DLGAP1: variants seen among roughly 807,000 people sequenced by gnomAD.
The protein encoded by DLGAP1 is disks large-associated protein 1.
DLGAP1 carries 11 observed loss-of-function variants against 90.8 expected under a neutral mutation model. The observed-to-expected ratio is 0.12, with a 90% CI of 0.08 to 0.20. The LOEUF (loss-of-function observed/expected upper bound fraction) is 0.20, where lower values mean the gene tolerates loss of function less well. Among genes scored for constraint, DLGAP1 ranks in the 10% least tolerant of loss-of-function variants. The probability of loss-of-function intolerance (pLI) is 1.00; values close to 1 mark genes in which losing one functional copy is unlikely to be tolerated. For missense variants in DLGAP1, 1,050 were observed against 1,333.8 expected (o/e 0.79, Z 3.31); for synonymous variants, 558 against 540.7 (o/e 1.03, Z -0.44).
In DLGAP1 at chr18:4,141,703, C is replaced by G. The variant is rs183498254; in HGVS notation, c.-159+9477G>C. Among the ~76,000 whole-genome samples the G allele has an allele frequency of 8.9e-3, 1,354 of 151,654 alleles. 9 individuals carry two copies. Among genetic ancestry groups the G allele is most frequent in the Non-Finnish European group, 0.014 (928 of 67,858 alleles). On this transcript the variant is annotated intron_variant, in intron 2 of 12. Coordinates refer to ENST00000315677, the MANE Select transcript of DLGAP1 (RefSeq NM_004746.4). ...ACTGTCTATTTTCAAATAGCCTGTCCTCAATCTCACTAATTCTTTCTTCTG... is the reference window on the plus strand; with the variant it reads ...ACTGTCTATTTTCAAATAGCCTGTCGTCAATCTCACTAATTCTTTCTTCTG...
At chr18:3,600,690 C>CTATATAGATATCTATAGA (rs1568276780) in intron 7 of DLGAP1, among the ~76,000 whole-genome samples, 2 of 59,786 alleles carry the variant, frequency 3.3e-5, no homozygotes, top group African/African-American at 8.1e-5. Flanking sequence ...CTATAGAGAT[C>CTATATAGATATCTATAGA]TATATAGATA....
intron 3 of DLGAP1, among the ~76,000 whole-genome samples, chr18:3,890,990 A>G (rs558266454): frequency 6.6e-6 from 1 of 152,346 alleles, no homozygotes; most frequent in African/African-American, 2.4e-5. Flanking sequence ...AATCAAATCA[A>G]TACATATGAC....
intron 2 of DLGAP1, among the ~76,000 whole-genome samples, chr18:4,081,299 G>A (rs1484094752): frequency 1.3e-5 from 2 of 149,822 alleles, no homozygotes; most frequent in African/African-American, 4.9e-5. Context: ...TGGGCAAAAG[G>A]AGTGAAACTC....
chr18:3,545,574 A>C (rs556185597), intron 9 of DLGAP1, among the ~76,000 whole-genome samples: 1 of 152,302 alleles, frequency 6.6e-6, no homozygotes, highest in African/African-American at 2.4e-5. Flanking sequence ...AGAAATAAAT[A>C]GGCCGGGAGC....
chr18:4,364,155 G>A (rs1403106041), intron 1 of DLGAP1, among the ~76,000 whole-genome samples: 1 of 148,742 alleles, frequency 6.7e-6, no homozygotes, highest in Non-Finnish European at 1.5e-5. Flanking sequence ...CTATCGCAAG[G>A]ACAAAAAACC....
chr18:4,096,914 T>C (rs1380869016), intron 2 of DLGAP1, among the ~76,000 whole-genome samples: 1 of 152,208 alleles, frequency 6.6e-6, no homozygotes, highest in African/African-American at 2.4e-5. Context: ...AAAGATTACA[T>C]GAATTAAGTT....
At position 4,454,853 on chromosome 18, in the gene DLGAP1, T is replaced by C. The variant is rs1297130061; in HGVS notation, c.-267+153A>G. ...GGCTGAAAGGGTAAGGAGCGCGGAC[T>C]CTCGAGCCAGCGGCCGGGGGAGCCC... On this transcript the variant is annotated intron_variant, in intron 1 of 12. Transcript: ENST00000315677. This position sits in a 1 kb window ranked among gnomAD's most constrained non-coding sequence, Gnocchi z 4.7. Among the ~76,000 whole-genome samples the C allele has an allele frequency of 6.6e-6, 1 of 150,548 alleles. No homozygotes were observed. Among genetic ancestry groups the C allele is most frequent in the Non-Finnish European group, 1.5e-5 (1 of 67,350 alleles).
At chr18:3,543,355 C>T (rs60571658) in intron 9 of DLGAP1, among the ~76,000 whole-genome samples, 18,377 of 151,844 alleles carry the variant, frequency 0.12, 1,242 homozygotes, top group African/African-American at 0.18. Context: ...TATTTTTAGA[C>T]GGGGTTTCAC....
intron 1 of DLGAP1, among the ~76,000 whole-genome samples, chr18:4,270,787 A>G (rs1054869741): frequency 6.6e-6 from 1 of 152,182 alleles, no homozygotes; most frequent in Non-Finnish European, 1.5e-5. Flanking sequence ...TCCAAGAACA[A>G]CCTTTTATAG....
At chr18:3,773,323 TTTTTG>T (rs1448413299) in intron 5 of DLGAP1, among the ~76,000 whole-genome samples, 6 of 152,292 alleles carry the variant, frequency 3.9e-5, no homozygotes, top group African/African-American at 1.2e-4. Context: ...TAATTTATCT[TTTTTG>T]TTTTGTTTTA....
intron 2 of DLGAP1, among the ~76,000 whole-genome samples, chr18:4,033,740 C>CT (rs34275416): frequency 0.028 from 3,900 of 139,864 alleles, 74 homozygotes; most frequent in Non-Finnish European, 0.037. Flanking sequence ...AGTTTAGCAA[C>CT]TTTTTTTTTT....
At chr18:4,235,532 C>G (rs1328702741) in intron 1 of DLGAP1, among the ~76,000 whole-genome samples, 1 of 151,874 alleles carries the variant, frequency 6.6e-6, no homozygotes, top group East Asian at 1.9e-4. Context: ...ATTCCTAGCA[C>G]CATTTGGAAT....
At position 4,432,224 on chromosome 18, in the gene DLGAP1, A is replaced by G. The variant is rs1567917707; in HGVS notation, c.-267+22782T>C. On this transcript the variant is annotated intron_variant, in intron 1 of 12. Coordinates refer to ENST00000315677, the MANE Select transcript of DLGAP1 (RefSeq NM_004746.4). ...TTGTTGGGCATGGTAGTAATTGGCT[A>G]AAATGGGTAAATTATGTTGAAATGA... 3.3e-5 allele frequency among the ~76,000 whole-genome samples: 5 copies of G among 152,332 alleles called. No individual in the cohort carries two copies. In the South Asian group the frequency reaches 1.0e-3, roughly 32 times the overall value.
At chr18:4,452,913 C>A (rs1003185976) in intron 1 of DLGAP1, among the ~76,000 whole-genome samples, 1 of 151,962 alleles carries the variant, frequency 6.6e-6, no homozygotes, top group African/African-American at 2.4e-5. Context: ...TTCCTTTTGC[C>A]CATATTTATA....
At chr18:3,803,957 C>CAT (rs33952757) in intron 5 of DLGAP1, among the ~76,000 whole-genome samples, 1,088 of 83,594 alleles carry the variant, frequency 0.013, 16 homozygotes, top group Non-Finnish European at 0.017. Context: ...TATGTAGGTT[C>CAT]ATATATATAT....
intron 1 of DLGAP1, among the ~76,000 whole-genome samples, chr18:4,163,461 A>T (rs553608735): frequency 6.6e-6 from 1 of 152,228 alleles, no homozygotes; most frequent in African/African-American, 2.4e-5. Context: ...AATCCACACG[A>T]AAGTGTGATA....
At chr18:3,786,236 T>C (rs971320391) in intron 5 of DLGAP1, among the ~76,000 whole-genome samples, 1 of 152,144 alleles carries the variant, frequency 6.6e-6, no homozygotes, top group African/African-American at 2.4e-5. Flanking sequence ...TTTAGACATC[T>C]TTGGGGGGCA....
intron 3 of DLGAP1, among the ~76,000 whole-genome samples, chr18:3,964,068 C>T (rs936847735): frequency 3.3e-5 from 5 of 152,042 alleles, no homozygotes; most frequent in Non-Finnish European, 2.9e-5. Flanking sequence ...CTGCAGGAGG[C>T]GTCATTCCTA....
At chr18:3,894,114 GGT>G (rs1180054446) in intron 3 of DLGAP1, among the ~76,000 whole-genome samples, 33 of 152,190 alleles carry the variant, frequency 2.2e-4, no homozygotes, top group Middle Eastern at 3.4e-3. Flanking sequence ...TGTATATTCT[GGT>G]TATTAGTCCT....
Sources: gnomAD v4.1 joint callset for allele counts (sites outside exome capture counted in the v4.1 genomes callset) on GRCh38, gnomAD v4.1.1 for gene constraint, Gnocchi (gnomAD v3.1) non-coding constraint, MANE v1.5 for transcripts, NCBI Gene and HGNC (gene_info 2026-07-23, HGNC 2026-07-21) for gene names.